CNNM4: variants seen among roughly 807,000 people sequenced by gnomAD.
CNNM4 encodes metal transporter CNNM4.
In CNNM4, 32 loss-of-function variants were observed where a neutral mutation model predicts 53.7. The ratio of observed to expected loss-of-function variants is 0.60; its 90% confidence interval spans 0.45 to 0.80. The LOEUF is 0.80. CNNM4 is among the 30% of genes least tolerant of loss of function. CNNM4 has a pLI of 0.00. For synonymous variants in CNNM4, 410 were observed against 440.0 expected (o/e 0.93, Z 0.85); for missense variants, 784 against 1,022.0 (o/e 0.77, Z 3.17).
In CNNM4 at chr2:96,806,087, C is replaced by G. The variant is rs1246314930; in HGVS notation, c.1949-2474C>G. On this transcript the variant is annotated intron_variant, in intron 5 of 6. Transcript: ENST00000377075. ...TGGCCGGGCAGGGGGGCTGACCCCC[C>G]CCAACCTCCCTCCCGGAGGGGGCGG... Among the ~76,000 whole-genome samples, 9 of 146,476 alleles carry G rather than the reference C, an allele frequency of 6.1e-5. 1 individual carries two copies. The South Asian group carries it at 1.2e-3, about 20-fold the overall frequency.
intron 1 of CNNM4, among the ~76,000 whole-genome samples, chr2:96,777,709 C>A (rs2078938668): frequency 6.6e-6 from 1 of 151,974 alleles, no homozygotes; most frequent in African/African-American, 2.4e-5. Context: ...ACTGTGTTGG[C>A]CAGGCTGGTC....
intron 1 of CNNM4, among the ~76,000 whole-genome samples, chr2:96,792,898 G>A (rs1004848956): frequency 2.0e-5 from 3 of 152,168 alleles, no homozygotes; most frequent in East Asian, 3.8e-4. Context: ...GGGGGGATGG[G>A]CATGAGCTGG....
intron 1 of CNNM4, among the ~76,000 whole-genome samples, chr2:96,763,984 C>T (rs1352310615): frequency 2.6e-5 from 4 of 152,060 alleles, no homozygotes; most frequent in East Asian, 3.9e-4. Flanking sequence ...GTGCCCCACC[C>T]CCACCCTAAG....
chr2:96,773,018 A>G (rs1434472567), intron 1 of CNNM4, among the ~76,000 whole-genome samples: 1 of 152,102 alleles, frequency 6.6e-6, no homozygotes, highest in Non-Finnish European at 1.5e-5. Flanking sequence ...CCACTCACAC[A>G]TGTTCACACC....
In CNNM4 at chr2:96,761,368, G is replaced by C; in HGVS notation, c.369G>C (p.Val123=). 6.2e-7 allele frequency: 1 copy of C among 1,614,096 alleles called. No homozygotes were observed. ...TGGTCGTCCAGCAGCTGGTCAACGT[G>C]AGCCGCGGGAACACGTCCGGCGTGC... ...KDLVVQQLVN[V]SRGNTSGVLV... The change falls in exon 1 of 7, where the codon GTG becomes GTC. Residue 123 remains valine, a synonymous_variant. Transcript: ENST00000377075. The surrounding 1 kb of genome is among the most constrained non-coding windows in gnomAD (Gnocchi z 6.0).
chr2:96,795,931 C>CA (rs1317230182), intron 1 of CNNM4, among the ~76,000 whole-genome samples: 6 of 152,080 alleles, frequency 3.9e-5, no homozygotes, highest in African/African-American at 1.4e-4. Flanking sequence ...GAAGACCCAC[C>CA]ACCCCACAGG....
At chr2:96,773,461 G>C (rs537669659) in intron 1 of CNNM4, among the ~76,000 whole-genome samples, 4 of 152,156 alleles carry the variant, frequency 2.6e-5, no homozygotes, top group African/African-American at 9.7e-5. Context: ...CACTGTCTCC[G>C]TTGGCAGGCT....
In CNNM4 at chr2:96,760,948, GGGCCGCGCGGC is replaced by G; in HGVS notation, c.-50_-40del. ...GCGGCCGGAGCTGCGGTGCGGACCG[GGGCCGCGCGGC>G]GTGGCGCGGGGAGCGGCGGCGGCGG... On this transcript the variant is annotated 5_prime_UTR_variant, in exon 1 of 7. Coordinates refer to ENST00000377075, the MANE Select transcript of CNNM4 (RefSeq NM_020184.4). 1.1e-6 allele frequency: 1 copy of G among 947,008 alleles called. No homozygotes were observed. The highest frequency in any genetic ancestry group is 1.3e-6 in the Non-Finnish European group (1 of 794,420). 58.7% of individuals were successfully genotyped at this position (947,008 alleles called of 1,614,324 possible). A position where few individuals can be genotyped will look rare whatever the true frequency, so the allele number is the denominator to read the frequency against.
intron 5 of CNNM4, among the ~76,000 whole-genome samples, chr2:96,805,439 T>A (rs557716432): frequency 1.5e-4 from 19 of 129,364 alleles, no homozygotes; most frequent in Non-Finnish European, 2.2e-4. Flanking sequence ...TTTTTTTTTT[T>A]ATTATTTTTT....
Position 96,789,433 on chromosome 2 carries a change from G to A in CNNM4, c.1403-7579G>A, listed in dbSNP as rs574168389. On this transcript the variant is annotated intron_variant, in intron 1 of 6. Transcript: ENST00000377075. ...GCACCTGTGGTCTGCCCAGCCCTCC[G>A]GGGTTTCTGGAGGCCTCACATGGTG... 4.6e-5 allele frequency among the ~76,000 whole-genome samples: 7 copies of A among 152,220 alleles called. No individual in the cohort carries two copies. In the East Asian group the frequency reaches 1.4e-3, roughly 30 times the overall value.
chr2:96,767,977 C>A (rs968862892), intron 1 of CNNM4, among the ~76,000 whole-genome samples: 1 of 152,188 alleles, frequency 6.6e-6, no homozygotes, highest in African/African-American at 2.4e-5. Context: ...GTGGCTGAGG[C>A]AGGAGAATCG....
chr2:96,778,169 C>G (rs1159797481), intron 1 of CNNM4, among the ~76,000 whole-genome samples: 2 of 151,892 alleles, frequency 1.3e-5, no homozygotes, highest in African/African-American at 4.8e-5. Flanking sequence ...GCCTTACCCT[C>G]TCTGCCTTTT....
Position 96,809,340 on chromosome 2 carries a change from G to A in CNNM4, c.2151G>A (p.Gln717=), listed in dbSNP as rs2079236742. The change falls in exon 7 of 7, where the codon CAG becomes CAA. Residue 717 remains glutamine, a synonymous_variant. Coordinates refer to ENST00000377075, the MANE Select transcript of CNNM4 (RefSeq NM_020184.4). ...QYIKITRQQY[Q]NGLLASRMEN... Reference sequence around the variant, plus strand: ...TGCAGATCACTCGGCAGCAGTACCAGAACGGGCTGCTGGCTTCTCGCATGG... The same window carrying A: ...TGCAGATCACTCGGCAGCAGTACCAAAACGGGCTGCTGGCTTCTCGCATGG... 1 of 1,614,130 alleles carries A rather than the reference G, an allele frequency of 6.2e-7. No individual in the cohort carries two copies. The highest frequency in any genetic ancestry group is 8.5e-7 in the Non-Finnish European group (1 of 1,180,026).
At chr2:96,780,105 T>C (rs1356894569) in intron 1 of CNNM4, among the ~76,000 whole-genome samples, 1 of 152,074 alleles carries the variant, frequency 6.6e-6, no homozygotes, top group East Asian at 1.9e-4. Flanking sequence ...TGGCCAGACT[T>C]GACATTTTAT....
intron 1 of CNNM4, among the ~76,000 whole-genome samples, chr2:96,770,703 C>T (rs1558981434): frequency 6.6e-6 from 1 of 152,190 alleles, no homozygotes; most frequent in African/African-American, 2.4e-5. Context: ...GCAAGGACAT[C>T]TTTGAGGGGA....
chr2:96,778,432 C>G (rs1030073777), intron 1 of CNNM4, among the ~76,000 whole-genome samples: 1 of 151,488 alleles, frequency 6.6e-6, no homozygotes, highest in African/African-American at 2.4e-5. Flanking sequence ...GTGGCGGGCA[C>G]CTGTAATCCC....
At position 96,797,074 on chromosome 2, in the gene CNNM4, G is replaced by A; in HGVS notation, c.1465G>A (p.Glu489Lys). 3 of 1,614,084 alleles carry A rather than the reference G, an allele frequency of 1.9e-6. No individual in the cohort carries two copies. Among genetic ancestry groups the A allele is most frequent in the Non-Finnish European group, 2.5e-6 (3 of 1,180,012 alleles). ...CGAGGGTGAGGGTGACCCCTTCTAC[G>A]AGGTCCTGGGCCTGGTCACCCTGGA... ...NNEGEGDPFY[E>K]VLGLVTLEDV... The change falls in exon 2 of 7, where the codon GAG becomes AAG. Residue 489 changes from glutamate (E) to lysine (K), a missense_variant. Transcript: ENST00000377075. The surrounding 1 kb of genome is among the most constrained non-coding windows in gnomAD (Gnocchi z 6.0).
rs1338513907 is a variant in CNNM4 at position 96,801,974 on chromosome 2, AAG to A, written c.1948+2330_1948+2331del. Among the ~76,000 whole-genome samples the A allele has an allele frequency of 4.0e-5, 6 of 148,336 alleles. No homozygotes were observed. The highest frequency in any genetic ancestry group is 7.5e-5 in the Non-Finnish European group (5 of 66,800). On this transcript the variant is annotated intron_variant, in intron 5 of 6. Coordinates refer to ENST00000377075, the MANE Select transcript of CNNM4 (RefSeq NM_020184.4). This position sits in a 1 kb window ranked among gnomAD's most constrained non-coding sequence, Gnocchi z 5.6. The stretch of plus-strand genomic sequence containing the variant: ...GCACACACCCATAGGCACACACACA[AAG>A]AGACACACACAGACACACACCCATG...
rs773082231 is a variant in CNNM4, at chr2:96,761,071, G to A, written c.72G>A (p.Pro24=). ...GCGGGCGCCTCCTCCTGGCGGCGCC[G>A]GTGCTGCTGGTGCTGCTGTGGGCGC... ...PARGRLLLAA[P]VLLVLLWALG... The change falls in exon 1 of 7, where the codon CCG becomes CCA. Residue 24 remains proline (P), a synonymous_variant. Transcript: ENST00000377075. This position sits in a 1 kb window ranked among gnomAD's most constrained non-coding sequence, Gnocchi z 6.0. 4 of 1,284,072 alleles carry A rather than the reference G, an allele frequency of 3.1e-6. No homozygotes were observed. Among genetic ancestry groups the A allele is most frequent in the Admixed American group, 3.7e-5 (1 of 27,042 alleles). The allele number at this position is 1,284,072 out of a possible 1,614,324, so 79.5% of individuals were successfully genotyped here.
Sources: allele counts gnomAD v4.1 joint callset (sites outside exome capture counted in the v4.1 genomes callset), GRCh38; gene constraint gnomAD v4.1.1; non-coding constraint Gnocchi (gnomAD v3.1); transcripts MANE v1.5; gene names NCBI Gene and HGNC (gene_info 2026-07-23, HGNC 2026-07-21).